The following GNAQ variants were observed in gnomAD, a reference collection of about 807,000 sequenced individuals.
The protein encoded by GNAQ is guanine nucleotide-binding protein G(q) subunit alpha.
Under a neutral mutation model 43.9 loss-of-function variants are expected in GNAQ, and 8 were observed. The observed-to-expected ratio is 0.18, with a 90% confidence interval of 0.11 to 0.33. The LOEUF (loss-of-function observed/expected upper bound fraction) is 0.33, where lower values mean the gene tolerates loss of function less well. Ranked by LOEUF, GNAQ falls within the 10% of genes least tolerant of loss-of-function variation. The pLI, the probability that GNAQ is intolerant of heterozygous loss-of-function variation, is 1.00. For synonymous variants in GNAQ, 155 were observed against 170.7 expected (o/e 0.91, Z 0.71); for missense variants, 158 against 450.8 (o/e 0.35, Z 5.88).
chr9:77,772,153 G>C (rs910270234), intron 5 of GNAQ, among the ~76,000 whole-genome samples: 1 of 152,082 alleles, frequency 6.6e-6, no homozygotes, highest in Admixed American at 6.5e-5. Flanking sequence ...ATTGTACCTA[G>C]TCCCCCAACC....
intron 2 of GNAQ, among the ~76,000 whole-genome samples, chr9:77,821,727 G>GTGTT (rs1827117694): frequency 6.7e-6 from 1 of 149,030 alleles, no homozygotes; most frequent in South Asian, 2.1e-4. Context: ...TAGTATGGGT[G>GTGTT]TGTGTGTGTG....
In GNAQ at chr9:77,926,773, G is replaced by A. The variant is rs551531501; in HGVS notation, c.137-4428C>T. 7.9e-5 allele frequency among the ~76,000 whole-genome samples: 12 copies of A among 152,156 alleles called. No individual in the cohort carries two copies. In the South Asian group the frequency reaches 2.5e-3, roughly 31 times the overall value. ...CCCATAAAAGTTATTTGTACCTTCA[G>A]GCAAGTACTCTGCCTTTTCTTATCT... is the stretch of plus-strand genomic sequence containing the variant. On this transcript the variant is annotated intron_variant, in intron 1 of 6. Transcript: ENST00000286548.
chr9:77,897,222 T>C (rs902697666), intron 2 of GNAQ, among the ~76,000 whole-genome samples: 5 of 152,224 alleles, frequency 3.3e-5, no homozygotes, highest in Admixed American at 6.5e-5. Flanking sequence ...GTTTGCTGGA[T>C]CACAGAATGT....
chr9:77,897,097 G>A (rs1828516714), intron 2 of GNAQ, among the ~76,000 whole-genome samples: 1 of 152,192 alleles, frequency 6.6e-6, no homozygotes, highest in Non-Finnish European at 1.5e-5. Context: ...CCATTACAAA[G>A]GAGGCACCCG....
At chr9:77,730,250 A>AACTT (rs745731401) in intron 5 of GNAQ, among the ~76,000 whole-genome samples, 3 of 152,164 alleles carry the variant, frequency 2.0e-5, no homozygotes, top group Admixed American at 6.5e-5. Context: ...CCTCCCTCCA[A>AACTT]ACTTATACAA....
intron 1 of GNAQ, among the ~76,000 whole-genome samples, chr9:77,965,974 C>T (rs895727670): frequency 6.6e-6 from 1 of 152,030 alleles, no homozygotes; most frequent in African/African-American, 2.4e-5. Flanking sequence ...AAATGTAGTA[C>T]ATCCATACAA....
At chr9:77,911,226 T>A (rs750963245) in intron 2 of GNAQ, among the ~76,000 whole-genome samples, 1 of 152,178 alleles carries the variant, frequency 6.6e-6, no homozygotes, top group Non-Finnish European at 1.5e-5. Flanking sequence ...AAGCATAAGC[T>A]GGGGGAACAT....
intron 2 of GNAQ, among the ~76,000 whole-genome samples, chr9:77,880,542 G>C (rs1828191190): frequency 6.9e-6 from 1 of 145,102 alleles, no homozygotes; most frequent in African/African-American, 2.5e-5. Context: ...CCCACACCTG[G>C]ATGATTTTTT....
At chr9:77,987,901 A>T (rs1213900362) in intron 1 of GNAQ, among the ~76,000 whole-genome samples, 2 of 152,080 alleles carry the variant, frequency 1.3e-5, no homozygotes, top group African/African-American at 2.4e-5. Flanking sequence ...CTAGGAAGAA[A>T]AGAAGAAGAA....
chr9:77,874,283 GTCTT>G (rs1828095016), intron 2 of GNAQ, among the ~76,000 whole-genome samples: 1 of 152,070 alleles, frequency 6.6e-6, no homozygotes, highest in Non-Finnish European at 1.5e-5. Context: ...GGTAAAACGA[GTCTT>G]TCCTCCTGGT....
At chr9:77,802,387 G>A (rs150771469) in intron 3 of GNAQ, among the ~76,000 whole-genome samples, 129 of 152,070 alleles carry the variant, frequency 8.5e-4, no homozygotes, top group African/African-American at 2.8e-3. Context: ...CATGGTAAGA[G>A]TAGAACATCA....
At chr9:77,743,866 T>C (rs754103879) in intron 5 of GNAQ, among the ~76,000 whole-genome samples, 1 of 152,214 alleles carries the variant, frequency 6.6e-6, no homozygotes, top group African/African-American at 2.4e-5. Context: ...AGCTTCCCAC[T>C]GGAAGTCAGA....
At chr9:77,929,840 A>AT (rs576050965) in intron 1 of GNAQ, among the ~76,000 whole-genome samples, 54 of 151,790 alleles carry the variant, frequency 3.6e-4, no homozygotes, top group Admixed American at 1.4e-3. Context: ...ACACACAAAA[A>AT]TTTTTTTTTA....
At chr9:77,934,151 C>G (rs1210465772) in intron 1 of GNAQ, among the ~76,000 whole-genome samples, 1 of 152,094 alleles carries the variant, frequency 6.6e-6, no homozygotes, top group Non-Finnish European at 1.5e-5. Context: ...AGTCAGGGGC[C>G]CTCCCAGCCC....
chr9:78,009,287 C>T (rs568571723), intron 1 of GNAQ, among the ~76,000 whole-genome samples: 2 of 152,274 alleles, frequency 1.3e-5, no homozygotes, highest in South Asian at 2.1e-4. Flanking sequence ...ATGTGCACTG[C>T]CAGGGGTGCC....
intron 1 of GNAQ, among the ~76,000 whole-genome samples, chr9:77,925,818 G>A (rs1056104372): frequency 2.0e-5 from 3 of 152,106 alleles, no homozygotes; most frequent in Non-Finnish European, 4.4e-5. Flanking sequence ...TTGGTTCCAG[G>A]ATTTCCCTCT....
chr9:77,879,820 C>G (rs1240919384), intron 2 of GNAQ, among the ~76,000 whole-genome samples: 1 of 152,196 alleles, frequency 6.6e-6, no homozygotes, highest in Non-Finnish European at 1.5e-5. Flanking sequence ...TCTGAAAAAT[C>G]TCACCTAACC....
At position 77,810,392 on chromosome 9, in the gene GNAQ, T is replaced by C. The variant is rs73653006; in HGVS notation, c.476+5224A>G. On this transcript the variant is annotated intron_variant, in intron 3 of 6. Transcript: ENST00000286548. Reference sequence around the variant, plus strand: ...TACTAAGTATGTGGCCTTGAACAAATTATTCAGTCTGAATCCTAGTTTCCT... The same window carrying C: ...TACTAAGTATGTGGCCTTGAACAAACTATTCAGTCTGAATCCTAGTTTCCT... Among the ~76,000 whole-genome samples the C allele has an allele frequency of 6.7e-3, 1,018 of 152,300 alleles. 13 individuals carry two copies. The highest frequency in any genetic ancestry group is 0.023 in the African/African-American group (960 of 41,564).
chr9:77,754,415 T>C (rs776030788), intron 5 of GNAQ, among the ~76,000 whole-genome samples: 2 of 152,154 alleles, frequency 1.3e-5, no homozygotes, highest in Non-Finnish European at 2.9e-5. Context: ...GTGTTTTATA[T>C]GTATTATCTC....
Sources: gnomAD v4.1 joint callset for allele counts (sites outside exome capture counted in the v4.1 genomes callset) on GRCh38, gnomAD v4.1.1 for gene constraint, MANE v1.5 for transcripts, NCBI Gene and HGNC (gene_info 2026-07-23, HGNC 2026-07-21) for gene names.